Variants in ANO5 observed in about 807,000 individuals in gnomAD.
The protein encoded by ANO5 is anoctamin 5.
ANO5 carries 109 observed loss-of-function variants against 121.0 expected under a neutral mutation model. The ratio of observed to expected loss-of-function variants is 0.90; its 90% CI spans 0.77 to 1.06. ANO5 has a LOEUF of 1.06. Ranked by LOEUF, ANO5 falls within the 50% of genes least tolerant of loss-of-function variation. The pLI, the probability that ANO5 is intolerant of heterozygous loss-of-function variation, is 0.00. For missense variants in ANO5, 1,064 were observed against 1,078.5 expected (o/e 0.99, Z 0.19); for synonymous variants, 406 against 359.9 (o/e 1.13, Z -1.45).
At chr11:22,221,734 C>T (rs1028710490) in intron 5 of ANO5, among the ~76,000 whole-genome samples, 1 of 151,864 alleles carries the variant, frequency 6.6e-6, no homozygotes, top group Non-Finnish European at 1.5e-5. Context: ...GTTATGTACC[C>T]AAATCCTAGA....
At chr11:22,277,734 CTTTTG>C (rs67438457) in intron 21 of ANO5, 145 of 151,474 alleles carry the variant, frequency 9.6e-4, no homozygotes, top group African/African-American at 3.2e-3. Context: ...TTCCGGAATT[CTTTTG>C]TTTTAATTTA....
intron 7 of ANO5, among the ~76,000 whole-genome samples, chr11:22,235,193 A>G (rs1853174182): frequency 1.3e-5 from 2 of 152,074 alleles, no homozygotes; most frequent in African/African-American, 4.8e-5. Context: ...TTTACTTATC[A>G]TAGCTTTATA....
intron 2 of ANO5, among the ~76,000 whole-genome samples, chr11:22,209,593 A>G (rs1300592296): frequency 1.3e-5 from 2 of 151,916 alleles, no homozygotes; most frequent in East Asian, 3.9e-4. Flanking sequence ...TATTCACTGT[A>G]TAATATTTCT....
chr11:22,272,682 T>C (rs1854666236), intron 18 of ANO5, 102 bp from the exon 19 acceptor site: 1 of 1,062,762 alleles, frequency 9.4e-7, no homozygotes, highest in Non-Finnish European at 1.4e-6. Context: ...GTCGTATTCG[T>C]GTGGATCACT....
chr11:22,217,511 C>T (rs1302438287), intron 3 of ANO5, among the ~76,000 whole-genome samples: 7 of 150,606 alleles, frequency 4.6e-5, no homozygotes, highest in African/African-American at 1.5e-4. Flanking sequence ...AATTTCTTTT[C>T]CTGATATATA....
At chr11:22,252,211 A>G (rs1853848869) in intron 12 of ANO5, among the ~76,000 whole-genome samples, 2 of 152,090 alleles carry the variant, frequency 1.3e-5, no homozygotes, top group Admixed American at 1.3e-4. Flanking sequence ...AGAATCTAGA[A>G]ATCTTATTAA....
intron 13 of ANO5, among the ~76,000 whole-genome samples, chr11:22,256,986 C>A (rs2133727777): frequency 6.6e-6 from 1 of 152,160 alleles, no homozygotes; most frequent in South Asian, 2.1e-4. Context: ...GTTGAGAGTT[C>A]TATTTTTATT....
intron 8 of ANO5, among the ~76,000 whole-genome samples, chr11:22,238,997 G>T (rs944675247): frequency 6.6e-6 from 1 of 152,098 alleles, no homozygotes; most frequent in African/African-American, 2.4e-5. Context: ...GCCATGAAAA[G>T]ATATTAATAA....
At chr11:22,269,587 GA>G (rs1854534635) in intron 17 of ANO5, among the ~76,000 whole-genome samples, 1 of 151,508 alleles carries the variant, frequency 6.6e-6, no homozygotes, top group Non-Finnish European at 1.5e-5. Flanking sequence ...AAGAAAGAAA[GA>G]GAAAGAAAGA....
chr11:22,259,844 A>G, intron 15 of ANO5, 103 bp downstream of exon 15: 1 of 1,192,556 alleles, frequency 8.4e-7, no homozygotes, highest in South Asian at 1.3e-5. Flanking sequence ...CAAAGGACAC[A>G]TTTTAAGGCA....
intron 7 of ANO5, among the ~76,000 whole-genome samples, chr11:22,235,208 A>G (rs1853174582): frequency 2.0e-5 from 3 of 152,182 alleles, no homozygotes; most frequent in Admixed American, 1.3e-4. Flanking sequence ...TTTATAATAC[A>G]TCTTAATACC....
intron 13 of ANO5, among the ~76,000 whole-genome samples, chr11:22,257,210 A>T (rs1854031917): frequency 6.6e-6 from 1 of 152,108 alleles, no homozygotes; most frequent in Non-Finnish European, 1.5e-5. Flanking sequence ...CCTAAAGACT[A>T]AAGGTGGAAT....
intron 4 of ANO5, among the ~76,000 whole-genome samples, chr11:22,220,732 C>A (rs190814541): frequency 2.0e-5 from 3 of 151,692 alleles, no homozygotes; most frequent in Admixed American, 2.0e-4. Flanking sequence ...TTAATTATAC[C>A]CCCAAAGTTG....
chr11:22,197,472 G>A (rs796996280), intron 1 of ANO5, among the ~76,000 whole-genome samples: 55 of 152,016 alleles, frequency 3.6e-4, no homozygotes, highest in African/African-American at 1.3e-3. Context: ...AGTTGGTATT[G>A]GAAAAGACAG....
intron 17 of ANO5, 152 bp downstream of exon 17, chr11:22,263,195 C>A (rs1317214560): frequency 1.6e-6 from 1 of 608,610 alleles, no homozygotes; most frequent in Admixed American, 3.0e-5. Flanking sequence ...GTGAAGGTTG[C>A]ATTAAAGTAA....
At chr11:22,253,511 G>A (rs1853894115) in intron 12 of ANO5, among the ~76,000 whole-genome samples, 1 of 152,002 alleles carries the variant, frequency 6.6e-6, no homozygotes, top group Admixed American at 6.6e-5. Flanking sequence ...TAAAATTAAT[G>A]GTAGTTGTTC....
chr11:22,230,405 T>C (rs540253114), intron 7 of ANO5, among the ~76,000 whole-genome samples: 3 of 152,172 alleles, frequency 2.0e-5, no homozygotes, highest in African/African-American at 7.2e-5. Flanking sequence ...TAATATGTAA[T>C]ATATGGATTC....
At chr11:22,273,637 G>C (rs77030658) in intron 19 of ANO5, among the ~76,000 whole-genome samples, 2 of 151,882 alleles carry the variant, frequency 1.3e-5, no homozygotes, top group East Asian at 3.9e-4. Flanking sequence ...TTAAGACACT[G>C]TCAAAAATTG....
chr11:22,258,368 T>C (rs1297577869), intron 14 of ANO5, among the ~76,000 whole-genome samples: 2 of 152,188 alleles, frequency 1.3e-5, no homozygotes, highest in African/African-American at 4.8e-5. Flanking sequence ...ATAATAATCA[T>C]TGAGGAGATG....
Sources: gnomAD v4.1 joint callset for allele counts (sites outside exome capture counted in the v4.1 genomes callset) on GRCh38, gnomAD v4.1.1 for gene constraint, MANE v1.5 for transcripts, NCBI Gene and HGNC (gene_info 2026-07-23, HGNC 2026-07-21) for gene names.